Variants in PRKCH observed in about 807,000 individuals in gnomAD.
PRKCH encodes the protein protein kinase C eta.
PRKCH carries 28 observed loss-of-function variants against 82.5 expected under a neutral mutation model. The ratio of observed to expected loss-of-function variants is 0.34; its 90% CI spans 0.25 to 0.47. The LOEUF is 0.47. Among genes scored for constraint, PRKCH ranks in the 20% least tolerant of loss-of-function variants. The probability of loss-of-function intolerance (pLI) is 1.00; values close to 1 mark genes in which losing one functional copy is unlikely to be tolerated. For missense variants in PRKCH, 705 were observed against 881.8 expected (o/e 0.80, Z 2.54); for synonymous variants, 322 against 327.4 (o/e 0.98, Z 0.18).
chr14:61,190,093 A>C, intron 1 of PRKCH, among the ~76,000 whole-genome samples: 1 of 152,200 alleles, frequency 6.6e-6, no homozygotes, highest in Non-Finnish European at 1.5e-5. Context: ...CAGAGTTAAT[A>C]ATGTCCAACC....
At chr14:61,204,223 T>A (rs1046956667) in intron 1 of PRKCH, among the ~76,000 whole-genome samples, 17 of 152,118 alleles carry the variant, frequency 1.1e-4, no homozygotes, top group Non-Finnish European at 2.1e-4. Flanking sequence ...ATAACTTACT[T>A]GTATTATCAA....
chr14:61,455,205 A>ATT (rs10689613), intron 7 of PRKCH, among the ~76,000 whole-genome samples: 117,582 of 143,918 alleles, frequency 0.82, 50,735 homozygotes, highest in Non-Finnish European at 0.95. Flanking sequence ...AATTTTTTGT[A>ATT]TTTTTTTTTT....
At chr14:61,277,788 G>T (rs924137336) in intron 1 of PRKCH, 1 of 152,152 alleles carries the variant, frequency 6.6e-6, no homozygotes, top group African/African-American at 2.4e-5. Context: ...TTATATACAC[G>T]TTGAGGTTGA....
At position 61,406,224 on chromosome 14, in the gene PRKCH, T is replaced by C. The variant is rs185651233; in HGVS notation, c.427+14936T>C. 2.7e-5 allele frequency among the ~76,000 whole-genome samples: 4 copies of C among 150,206 alleles called. No individual in the cohort carries two copies. In the East Asian group the frequency reaches 7.8e-4, roughly 29 times the overall value. ...AAAAAAAATGTACAGGGGAGTGTAT[T>C]GCTTTGGTGTAGTCGTTTAAGAGTT... On this transcript the variant is annotated intron_variant, in intron 2 of 13. Coordinates refer to ENST00000332981, the MANE Select transcript of PRKCH (RefSeq NM_006255.5).
At chr14:61,206,183 A>C (rs1396519616) in intron 1 of PRKCH, among the ~76,000 whole-genome samples, 1 of 152,238 alleles carries the variant, frequency 6.6e-6, no homozygotes, top group Non-Finnish European at 1.5e-5. Flanking sequence ...AAATTATGAA[A>C]AACTTGGGGG....
chr14:61,368,224 A>G (rs527834027), intron 1 of PRKCH, among the ~76,000 whole-genome samples: 1 of 151,976 alleles, frequency 6.6e-6, no homozygotes, highest in East Asian at 1.9e-4. Context: ...AGCAGCCTCT[A>G]GTTCCAACAT....
chr14:61,444,623 C>G (rs1884132399), intron 3 of PRKCH, among the ~76,000 whole-genome samples: 2 of 152,108 alleles, frequency 1.3e-5, no homozygotes, highest in African/African-American at 2.4e-5. Flanking sequence ...CCCTCATACT[C>G]TCTCTCTCAC....
chr14:61,278,057 C>T (rs2045220426), intron 1 of PRKCH: 1 of 152,068 alleles, frequency 6.6e-6, no homozygotes, highest in South Asian at 2.1e-4. Context: ...GTTAATTTAA[C>T]CAGAATCAGA....
At chr14:61,446,356 C>T (rs1884225030) in intron 4 of PRKCH, among the ~76,000 whole-genome samples, 1 of 152,210 alleles carries the variant, frequency 6.6e-6, no homozygotes, top group African/African-American at 2.4e-5. Context: ...GTGGTTTAGC[C>T]AGGCCCATCA....
At chr14:61,314,459 G>A (rs1309310199) in intron 1 of PRKCH, among the ~76,000 whole-genome samples, 1 of 152,156 alleles carries the variant, frequency 6.6e-6, no homozygotes, top group African/African-American at 2.4e-5. Flanking sequence ...AACCTCACTC[G>A]ATTTTCCTGT....
At chr14:61,325,016 A>G (rs1050684123) in intron 1 of PRKCH, among the ~76,000 whole-genome samples, 26 of 152,208 alleles carry the variant, frequency 1.7e-4, no homozygotes, top group African/African-American at 5.8e-4. Context: ...TATGGATGAG[A>G]GGATTCAATA....
chr14:61,235,350 T>C (rs1450016565), intron 1 of PRKCH, among the ~76,000 whole-genome samples: 3 of 152,230 alleles, frequency 2.0e-5, no homozygotes, highest in Non-Finnish European at 2.9e-5. Flanking sequence ...TTTTACCTTC[T>C]TCAGTCAGAG....
At chr14:61,465,824 G>C (rs563496261) in intron 9 of PRKCH, among the ~76,000 whole-genome samples, 2 of 152,122 alleles carry the variant, frequency 1.3e-5, no homozygotes, top group Non-Finnish European at 2.9e-5. Context: ...TTTATGTTAC[G>C]TAGTTAAATT....
At chr14:61,515,121 T>A (rs2042804172) in intron 10 of PRKCH, among the ~76,000 whole-genome samples, 1 of 152,140 alleles carries the variant, frequency 6.6e-6, no homozygotes, top group African/African-American at 2.4e-5. Flanking sequence ...CACCACTGAG[T>A]GTCAAACCAG....
At chr14:61,485,787 G>A in intron 10 of PRKCH, 131 bp downstream of exon 10, 2 of 1,324,760 alleles carry the variant, frequency 1.5e-6, no homozygotes, top group Non-Finnish European at 2.0e-6. Context: ...GTTTTGTTTT[G>A]GTTTTTGTTT....
chr14:61,229,634 T>C (rs2140058320), intron 1 of PRKCH, among the ~76,000 whole-genome samples: 1 of 152,294 alleles, frequency 6.6e-6, no homozygotes, highest in African/African-American at 2.4e-5. Context: ...GCGGGGACTG[T>C]TGATTGCATT....
rs898098415 is a variant in PRKCH, at chr14:61,280,181, C to G, written c.-19+92513C>G. On this transcript the variant is annotated intron_variant, in intron 1 of 3. Coordinates refer to the PRKCH transcript ENST00000555185. The surrounding 1 kb of genome is among the most constrained non-coding windows in gnomAD (Gnocchi z 5.0). ...GTGAGGATGCAGAGGGAGCCGACGA[C>G]CAGGTAGGCGATGCCCAGGAAGGGG... is the stretch of plus-strand genomic sequence containing the variant. The G allele has an allele frequency of 3.7e-6, 6 of 1,614,002 alleles. No individual in the cohort carries two copies. The highest frequency in any genetic ancestry group is 5.1e-6 in the Non-Finnish European group (6 of 1,180,020).
intron 2 of PRKCH, among the ~76,000 whole-genome samples, chr14:61,440,931 T>A (rs1474703105): frequency 3.3e-5 from 5 of 151,444 alleles, no homozygotes; most frequent in African/African-American, 1.2e-4. Flanking sequence ...TTTTCTTTTT[T>A]TTTTGGAGAG....
At chr14:61,536,673 A>G (rs962318809) in intron 12 of PRKCH, among the ~76,000 whole-genome samples, 1 of 152,194 alleles carries the variant, frequency 6.6e-6, no homozygotes, top group Admixed American at 6.5e-5. Context: ...TACAGATGTT[A>G]AAGACCTCAG....
Sources: allele counts gnomAD v4.1 joint callset (sites outside exome capture counted in the v4.1 genomes callset), GRCh38; gene constraint gnomAD v4.1.1; non-coding constraint Gnocchi (gnomAD v3.1); transcripts MANE v1.5; gene names NCBI Gene and HGNC (gene_info 2026-07-23, HGNC 2026-07-21).